ARB2A: variants seen among roughly 807,000 people sequenced by gnomAD.
ARB2A encodes ARB2 cotranscriptional regulator A, also known as cotranscriptional regulator ARB2A.
the ARB2A span, among the ~76,000 whole-genome samples, chr5:93,859,207 A>C: frequency 1.3e-5 from 2 of 152,202 alleles, no homozygotes; most frequent in African/African-American, 4.8e-5. Context: ...GAAAAAAATT[A>C]ATGATGCCTA....
At chr5:93,867,695 A>C in the ARB2A span, among the ~76,000 whole-genome samples, 1 of 152,132 alleles carries the variant, frequency 6.6e-6, no homozygotes, top group African/African-American at 2.4e-5. Flanking sequence ...TTAGAAAAGC[A>C]AATTCAGGTA....
the ARB2A span, among the ~76,000 whole-genome samples, chr5:93,681,305 T>G: frequency 6.6e-6 from 1 of 152,180 alleles, no homozygotes; most frequent in Non-Finnish European, 1.5e-5. Context: ...AGAGTTGCTT[T>G]CATCAAATTT....
chr5:93,845,597 G>A, the ARB2A span, among the ~76,000 whole-genome samples: 1 of 152,162 alleles, frequency 6.6e-6, no homozygotes, highest in Non-Finnish European at 1.5e-5. Context: ...ATCAGAGTAT[G>A]ACCAAAAAAG....
the ARB2A span, among the ~76,000 whole-genome samples, chr5:94,047,492 CAAAA>C: frequency 2.5e-5 from 2 of 81,132 alleles, no homozygotes; most frequent in African/African-American, 4.8e-5. Context: ...GACTCCATCT[CAAAA>C]AAAAAAAAAA....
the ARB2A span, among the ~76,000 whole-genome samples, chr5:93,776,911 C>A: frequency 2.0e-5 from 3 of 151,876 alleles, no homozygotes; most frequent in Non-Finnish European, 2.9e-5. Flanking sequence ...AAAAAAGTAT[C>A]CATTTTTGAC....
At chr5:93,638,638 C>G in the ARB2A span, among the ~76,000 whole-genome samples, 11 of 151,026 alleles carry the variant, frequency 7.3e-5, no homozygotes, top group Non-Finnish European at 1.2e-4. Context: ...CATGGAGAAA[C>G]CTGTCTCTAC....
the ARB2A span, among the ~76,000 whole-genome samples, chr5:93,668,124 T>C: frequency 6.6e-6 from 1 of 152,228 alleles, no homozygotes; most frequent in East Asian, 1.9e-4. Flanking sequence ...TTATTATATT[T>C]TGAGATAGCG....
chr5:94,073,063 C>T, the ARB2A span, among the ~76,000 whole-genome samples: 1 of 152,106 alleles, frequency 6.6e-6, no homozygotes, highest in Admixed American at 6.5e-5. Flanking sequence ...AAGAGTGCAT[C>T]TTGCCATGTA....
the ARB2A span, among the ~76,000 whole-genome samples, chr5:93,688,826 A>G: frequency 6.6e-6 from 1 of 152,172 alleles, no homozygotes. Flanking sequence ...GCTGATCAAT[A>G]TTCAGGACCC....
the ARB2A span, among the ~76,000 whole-genome samples, chr5:94,060,878 C>A: frequency 1.3e-5 from 2 of 152,112 alleles, no homozygotes; most frequent in African/African-American, 2.4e-5. Context: ...ACTATTTCAA[C>A]AGGCTACAGA....
the ARB2A span, among the ~76,000 whole-genome samples, chr5:93,636,488 C>T: frequency 3.3e-5 from 5 of 152,160 alleles, no homozygotes; most frequent in Admixed American, 1.3e-4. Flanking sequence ...CTCCTTCACC[C>T]GCCTTCTTCC....
the ARB2A span, among the ~76,000 whole-genome samples, chr5:93,882,669 T>G: frequency 3.3e-5 from 5 of 151,398 alleles, no homozygotes; most frequent in Non-Finnish European, 5.9e-5. Flanking sequence ...CACAAATTTT[T>G]GAAGCTATTA....
chr5:93,917,100 T>C, the ARB2A span, among the ~76,000 whole-genome samples: 1 of 152,182 alleles, frequency 6.6e-6, no homozygotes, highest in Non-Finnish European at 1.5e-5. Context: ...GTATGCGTAT[T>C]ATCTTCATTT....
chr5:93,761,090 C>T, the ARB2A span, among the ~76,000 whole-genome samples: 14 of 152,122 alleles, frequency 9.2e-5, no homozygotes, highest in African/African-American at 2.9e-4. Flanking sequence ...GCCAAGATGG[C>T]CAAATAGGAA....
chr5:93,749,021 G>A, the ARB2A span, among the ~76,000 whole-genome samples: 3 of 151,062 alleles, frequency 2.0e-5, no homozygotes, highest in East Asian at 5.8e-4. Context: ...AGCTCTGAGA[G>A]TTCATTTAAC....
At chr5:93,801,662 G>A in the ARB2A span, among the ~76,000 whole-genome samples, 2 of 152,036 alleles carry the variant, frequency 1.3e-5, no homozygotes, top group Non-Finnish European at 2.9e-5. Context: ...GCACATGTGA[G>A]GGCACATGCA....
the ARB2A span, among the ~76,000 whole-genome samples, chr5:93,986,556 A>C: frequency 1.3e-5 from 2 of 152,198 alleles, no homozygotes; most frequent in Non-Finnish European, 1.5e-5. Context: ...CATGATGACG[A>C]TGGCGGTTCT....
At chr5:93,854,431 A>C in the ARB2A span, among the ~76,000 whole-genome samples, 1 of 152,022 alleles carries the variant, frequency 6.6e-6, no homozygotes, top group Non-Finnish European at 1.5e-5. Flanking sequence ...AATTTTTTGA[A>C]GGGTTTTTTG....
chr5:93,891,900 GT>G, the ARB2A span, among the ~76,000 whole-genome samples: 2 of 152,156 alleles, frequency 1.3e-5, no homozygotes, highest in Non-Finnish European at 2.9e-5. Context: ...CTGCAGCTTT[GT>G]GCTGGACCTG....
Sources: allele counts gnomAD v4.1 joint callset (sites outside exome capture counted in the v4.1 genomes callset), GRCh38; gene constraint gnomAD v4.1.1; transcripts MANE v1.5; gene names NCBI Gene and HGNC (gene_info 2026-07-23, HGNC 2026-07-21).